The following APPL2 variants were observed in gnomAD, a reference collection of about 807,000 sequenced individuals.
The protein encoded by APPL2 is adaptor protein, phosphotyrosine interacting with PH domain and leucine zipper 2.
Under a neutral mutation model 92.7 loss-of-function variants are expected in APPL2, and 84 were observed. That is an observed-to-expected ratio of 0.91 (90% CI 0.76 to 1.09). The LOEUF (loss-of-function observed/expected upper bound fraction) is 1.09, where lower values mean the gene tolerates loss of function less well. APPL2 is among the 50% of genes least tolerant of loss of function. The probability of loss-of-function intolerance (pLI) is 0.00; values close to 1 mark genes in which losing one functional copy is unlikely to be tolerated. For synonymous variants in APPL2, 291 were observed against 291.0 expected (o/e 1.00, Z 0.00); for missense variants, 736 against 824.5 (o/e 0.89, Z 1.31).
chr12:105,214,603 T>G (rs530752884), intron 4 of APPL2, among the ~76,000 whole-genome samples: 11 of 152,380 alleles, frequency 7.2e-5, no homozygotes, highest in African/African-American at 2.6e-4. Context: ...GGCATAGAGC[T>G]CTGAAAACCC....
At chr12:105,205,303 T>C (rs1592800483) in intron 8 of APPL2, among the ~76,000 whole-genome samples, 1 of 152,216 alleles carries the variant, frequency 6.6e-6, no homozygotes, top group Non-Finnish European at 1.5e-5. Context: ...TACTTGGTCT[T>C]GTGTCTTGAA....
chr12:105,176,467 A>G (rs1885555126), intron 19 of APPL2: 3 of 439,214 alleles, frequency 6.8e-6, no homozygotes, highest in South Asian at 1.4e-4. Context: ...GATAGAGTCA[A>G]AAGTTTTTCA....
Position 105,229,180 on chromosome 12 carries a change from A to G in APPL2, c.98T>C (p.Leu33Pro), listed in dbSNP as rs772421082. 2.5e-6 allele frequency: 4 copies of G among 1,613,818 alleles called. No individual in the cohort carries two copies. The highest frequency in any genetic ancestry group is 3.4e-6 in the Non-Finnish European group (4 of 1,179,894). ...GAGCAGCTGGTTGGTATAGTCTGTG[A>G]GGGTGCCAGCATCTTCTTCAAACAC... ...LSVFEEDAGT[L>P]TDYTNQLLQA... The change falls in exon 2 of 21, where the codon CTC becomes CCC. Residue 33 changes from leucine to proline, a missense_variant. Physicochemically the swap from Leu to Pro is moderately conservative, Grantham distance 98. Coordinates refer to ENST00000258530, the MANE Select transcript of APPL2 (RefSeq NM_018171.5).
At position 105,208,803 on chromosome 12, in the gene APPL2, C is replaced by A. The variant is rs1888977387; in HGVS notation, c.374-604G>T. Among the ~76,000 whole-genome samples the A allele has an allele frequency of 3.3e-5, 5 of 152,236 alleles. No individual in the cohort carries two copies. In the South Asian group the frequency reaches 1.0e-3, roughly 32 times the overall value. On this transcript the variant is annotated intron_variant, in intron 5 of 20. Transcript: ENST00000258530. ...TGAACCAAGCCCAAGACCAAAAATC[C>A]AAAAAGATCATTGAGAGCAGTGACC...
intron 2 of APPL2, among the ~76,000 whole-genome samples, chr12:105,224,133 C>T (rs905649758): frequency 2.0e-5 from 3 of 152,148 alleles, no homozygotes; most frequent in African/African-American, 7.2e-5. Context: ...AAGCTGCAGA[C>T]CAAGTGCAGA....
intron 16 of APPL2, 51 bp downstream of exon 16, chr12:105,189,721 G>T (rs114267481): frequency 6.5e-7 from 1 of 1,546,140 alleles, no homozygotes. Flanking sequence ...TTCAATGGCC[G>T]TTGTCATTTT....
intron 2 of APPL2, among the ~76,000 whole-genome samples, chr12:105,218,548 G>A (rs938329016): frequency 1.3e-5 from 2 of 152,216 alleles, no homozygotes; most frequent in African/African-American, 4.8e-5. Context: ...AGCTTTCCAG[G>A]AGGCGCCAAC....
chr12:105,198,393 T>C (rs1887855844), intron 10 of APPL2, among the ~76,000 whole-genome samples: 1 of 152,212 alleles, frequency 6.6e-6, no homozygotes, highest in Non-Finnish European at 1.5e-5. Context: ...TTTGCTGTAA[T>C]TGAAGGTCAT....
chr12:105,203,697 C>A lies in APPL2; in HGVS notation c.704+6G>T. 1 of 1,614,008 alleles carries A rather than the reference C, an allele frequency of 6.2e-7. No homozygotes were observed. The highest frequency in any genetic ancestry group is 8.5e-7 in the Non-Finnish European group (1 of 1,179,848). ...CACACAAGACCCGGCCGGAGTGCAG[C>A]ATTACCTTTGAACCATGTCTGCAAC... On this transcript the variant is annotated splice_donor_region_variant and intron_variant, in intron 9 of 20. Coordinates refer to ENST00000258530, the MANE Select transcript of APPL2 (RefSeq NM_018171.5).
In APPL2 at chr12:105,176,831, T is replaced by C; in HGVS notation, c.1812+45A>G. ...GCCAGAAAACTCTTTTAAAATGGAC[T>C]TGTTTGGACTGGGATATTATGGGAT... On this transcript the variant is annotated intron_variant, in intron 19 of 20. Coordinates refer to ENST00000258530, the MANE Select transcript of APPL2 (RefSeq NM_018171.5). 3 of 1,589,782 alleles carry C rather than the reference T, an allele frequency of 1.9e-6. No individual in the cohort carries two copies. The East Asian group carries it at 6.7e-5, about 36-fold the overall frequency.
At chr12:105,226,181 CA>C in intron 2 of APPL2, among the ~76,000 whole-genome samples, 1 of 152,210 alleles carries the variant, frequency 6.6e-6, no homozygotes, top group Non-Finnish European at 1.5e-5. Flanking sequence ...ACAAACAGAT[CA>C]AAACAGGAAT....
chr12:105,173,363 T>TA lies in APPL2; in HGVS notation c.*950dup, dbSNP rs1885167751. Reference sequence around the variant, plus strand: ...AAAGATAATAATAGTCTGTTGAACTTAGTTACAGTTAAACACACTGTACCG... The same window carrying TA: ...AAAGATAATAATAGTCTGTTGAACTTAAGTTACAGTTAAACACACTGTACCG... On this transcript the variant is annotated 3_prime_UTR_variant, in exon 21 of 21. Transcript: ENST00000258530. 1 of 152,556 alleles carries TA rather than the reference T, an allele frequency of 6.6e-6. No homozygotes were observed. The highest frequency in any genetic ancestry group is 1.5e-5 in the Non-Finnish European group (1 of 68,026). 9.5% of individuals were successfully genotyped at this position (152,556 alleles called of 1,614,324 possible).
intron 17 of APPL2, among the ~76,000 whole-genome samples, chr12:105,177,815 AAG>A (rs1885701101): frequency 6.6e-6 from 1 of 152,168 alleles, no homozygotes. Flanking sequence ...TTATTCTGAG[AAG>A]AGTCTTGCTG....
chr12:105,235,922 C>A, intron 1 of APPL2, 37 bp downstream of exon 1: 1 of 1,234,110 alleles, frequency 8.1e-7, no homozygotes, highest in Admixed American at 4.3e-5. Context: ...TCGGCCTCAC[C>A]CCTGCGGGCG....
chr12:105,183,070 CTTTTTTTT>C (rs56345779), intron 17 of APPL2, among the ~76,000 whole-genome samples: 2 of 88,404 alleles, frequency 2.3e-5, no homozygotes, highest in African/African-American at 4.5e-5. Flanking sequence ...GCAACCCCTG[CTTTTTTTT>C]TTTTTTTTTT....
At chr12:105,180,242 T>C (rs1329459700) in intron 17 of APPL2, among the ~76,000 whole-genome samples, 1 of 152,170 alleles carries the variant, frequency 6.6e-6, no homozygotes, top group African/African-American at 2.4e-5. Flanking sequence ...AGTCCTTTCC[T>C]CATTTCTTGT....
intron 19 of APPL2, 43 bp downstream of exon 19, chr12:105,176,833 G>T (rs963681143): frequency 6.2e-7 from 1 of 1,600,412 alleles, no homozygotes; most frequent in African/African-American, 1.4e-5. Flanking sequence ...AAATGGACTT[G>T]TTTGGACTGG....
chr12:105,183,070 CTTTTTTTTTTT>C (rs56345779), intron 17 of APPL2, among the ~76,000 whole-genome samples: 1 of 88,398 alleles, frequency 1.1e-5, no homozygotes, highest in African/African-American at 4.5e-5. Flanking sequence ...GCAACCCCTG[CTTTTTTTTTTT>C]TTTTTTTTTT....
intron 4 of APPL2, among the ~76,000 whole-genome samples, chr12:105,211,803 C>T (rs1390680744): frequency 6.6e-6 from 1 of 152,178 alleles, no homozygotes; most frequent in Non-Finnish European, 1.5e-5. Flanking sequence ...CAGCTATGGG[C>T]CTGGAAGTGA....
Sources: allele counts gnomAD v4.1 joint callset (sites outside exome capture counted in the v4.1 genomes callset), GRCh38; gene constraint gnomAD v4.1.1; transcripts MANE v1.5; gene names NCBI Gene and HGNC (gene_info 2026-07-23, HGNC 2026-07-21).